KCNT2: variants seen among roughly 807,000 people sequenced by gnomAD.
KCNT2 encodes the protein potassium sodium-activated channel subfamily T member 2.
A neutral mutation model predicts 153.8 loss-of-function variants in KCNT2; 67 were observed. The observed-to-expected ratio is 0.44, with a 90% CI of 0.36 to 0.53. The LOEUF (loss-of-function observed/expected upper bound fraction) is 0.53. Among genes scored for constraint, KCNT2 ranks in the 20% least tolerant of loss-of-function variants. The pLI is 0.00. For synonymous variants in KCNT2, 500 were observed against 458.8 expected (o/e 1.09, Z -1.15); for missense variants, 975 against 1,354.8 (o/e 0.72, Z 4.40).
chr1:196,525,477 T>A (rs968126549), intron 1 of KCNT2, among the ~76,000 whole-genome samples: 4 of 152,220 alleles, frequency 2.6e-5, no homozygotes, highest in African/African-American at 9.6e-5. Context: ...CAGAGAAATA[T>A]ATGTGTTAGA....
chr1:196,432,292 C>T (rs565958598), intron 8 of KCNT2, among the ~76,000 whole-genome samples: 1 of 152,276 alleles, frequency 6.6e-6, no homozygotes, highest in South Asian at 2.1e-4. Context: ...AGAAAGAGAA[C>T]TACCACCGGG....
chr1:196,230,333 G>C (rs1481883435), intron 27 of KCNT2, among the ~76,000 whole-genome samples: 1 of 151,940 alleles, frequency 6.6e-6, no homozygotes, highest in Non-Finnish European at 1.5e-5. Flanking sequence ...CAGCAAATCT[G>C]TTTAAAGCAT....
At chr1:196,457,842 C>T (rs960952238) in intron 8 of KCNT2, among the ~76,000 whole-genome samples, 2 of 151,876 alleles carry the variant, frequency 1.3e-5, no homozygotes, top group Non-Finnish European at 2.9e-5. Context: ...CTTGAGAGTA[C>T]AGGTGAGAGA....
At chr1:196,306,839 A>T (rs1363443300) in intron 21 of KCNT2, among the ~76,000 whole-genome samples, 3 of 151,940 alleles carry the variant, frequency 2.0e-5, no homozygotes, top group African/African-American at 7.3e-5. Flanking sequence ...TTTGAGAGCT[A>T]GGATATCATT....
chr1:196,344,499 A>C (rs1665969182), intron 14 of KCNT2, among the ~76,000 whole-genome samples: 1 of 152,180 alleles, frequency 6.6e-6, no homozygotes, highest in Non-Finnish European at 1.5e-5. Context: ...ACAAAAATAA[A>C]GTTATTTTTG....
At chr1:196,596,425 T>G (rs1664089941) in intron 1 of KCNT2, among the ~76,000 whole-genome samples, 2 of 152,080 alleles carry the variant, frequency 1.3e-5, no homozygotes, top group South Asian at 4.1e-4. Flanking sequence ...TGGCCATTCT[T>G]GTGGGAGTGA....
intron 23 of KCNT2, 25 bp from the exon 24 acceptor site, chr1:196,282,381 A>C: frequency 8.7e-7 from 1 of 1,154,004 alleles, no homozygotes; most frequent in Non-Finnish European, 1.3e-6. Context: ...AACAAACAAT[A>C]TATAAATGTA....
At chr1:196,545,181 G>T (rs1656915084) in intron 1 of KCNT2, among the ~76,000 whole-genome samples, 1 of 151,992 alleles carries the variant, frequency 6.6e-6, no homozygotes, top group African/African-American at 2.4e-5. Context: ...TAAATTATGA[G>T]AGTTTCCCCA....
chr1:196,423,258 T>G, intron 11 of KCNT2, 145 bp from the exon 12 acceptor site: 80 of 343,312 alleles, frequency 2.3e-4, no homozygotes, highest in East Asian at 2.1e-4. Flanking sequence ...GAAAGTTGAA[T>G]TTCTAGCAGA....
intron 16 of KCNT2, among the ~76,000 whole-genome samples, chr1:196,339,033 T>G (rs1198185446): frequency 1.3e-5 from 2 of 151,400 alleles, no homozygotes; most frequent in African/African-American, 2.4e-5. Flanking sequence ...CAGTTTAATT[T>G]GAATATGCTG....
intron 25 of KCNT2, among the ~76,000 whole-genome samples, chr1:196,269,559 T>C (rs945874714): frequency 5.3e-5 from 8 of 152,098 alleles, no homozygotes; most frequent in East Asian, 1.9e-4. Context: ...TGGGACTATA[T>C]ACAAAAATTA....
intron 1 of KCNT2, among the ~76,000 whole-genome samples, chr1:196,527,099 T>C (rs866018088): frequency 7.2e-5 from 11 of 152,174 alleles, no homozygotes; most frequent in South Asian, 6.2e-4. Context: ...AACAGTTTCA[T>C]GCCAAAACTG....
chr1:196,456,710 C>T (rs1021805619), intron 8 of KCNT2, among the ~76,000 whole-genome samples: 1 of 151,774 alleles, frequency 6.6e-6, no homozygotes, highest in Non-Finnish European at 1.5e-5. Context: ...CATGATTTTC[C>T]CAAAACATCA....
chr1:196,420,291 A>G (rs755228225), intron 12 of KCNT2, among the ~76,000 whole-genome samples: 4 of 151,910 alleles, frequency 2.6e-5, no homozygotes, highest in Non-Finnish European at 5.9e-5. Context: ...TATTTATTAA[A>G]TATATACTTT....
intron 6 of KCNT2, 56 bp from the exon 7 acceptor site, chr1:196,467,842 C>T (rs1045597613): frequency 1.1e-6 from 1 of 950,990 alleles, no homozygotes; most frequent in South Asian, 1.9e-5. Context: ...TAAACCATAC[C>T]CAGTATACTA....
chr1:196,364,437 C>G (rs1411978998), intron 14 of KCNT2, among the ~76,000 whole-genome samples: 1 of 152,078 alleles, frequency 6.6e-6, no homozygotes, highest in East Asian at 1.9e-4. Flanking sequence ...ATTACAGAAT[C>G]ACTTTTTATA....
chr1:196,531,428 C>T (rs1241336203), intron 1 of KCNT2, among the ~76,000 whole-genome samples: 2 of 152,022 alleles, frequency 1.3e-5, no homozygotes, highest in Admixed American at 6.6e-5. Flanking sequence ...GAATGCACCA[C>T]GTTAACTGTT....
At chr1:196,316,360 T>C (rs954807044) in intron 20 of KCNT2, among the ~76,000 whole-genome samples, 2 of 151,726 alleles carry the variant, frequency 1.3e-5, no homozygotes, top group African/African-American at 4.8e-5. Context: ...TAGAAATTTG[T>C]TTTTACAGTT....
chr1:196,231,380 A>C (rs1653939385), intron 27 of KCNT2, among the ~76,000 whole-genome samples: 1 of 151,852 alleles, frequency 6.6e-6, no homozygotes, highest in Non-Finnish European at 1.5e-5. Flanking sequence ...ATGCCTGAGT[A>C]TCTTTAGTGA....
Sources: gnomAD v4.1 joint callset for allele counts (sites outside exome capture counted in the v4.1 genomes callset) on GRCh38, gnomAD v4.1.1 for gene constraint, MANE v1.5 for transcripts, NCBI Gene and HGNC (gene_info 2026-07-23, HGNC 2026-07-21) for gene names.